Variants in KCNC2 observed in about 807,000 individuals in gnomAD.
The protein encoded by KCNC2 is potassium voltage-gated channel subfamily C member 2.
KCNC2 carries 21 observed loss-of-function variants against 44.5 expected under a neutral mutation model. That is an observed-to-expected ratio of 0.47 (90% CI 0.33 to 0.68). The LOEUF (loss-of-function observed/expected upper bound fraction) is 0.68, where lower values mean the gene tolerates loss of function less well. KCNC2 is among the 30% of genes least tolerant of loss of function. The pLI is 0.01. For synonymous variants in KCNC2, 391 were observed against 339.1 expected (o/e 1.15, Z -1.68); for missense variants, 589 against 826.2 (o/e 0.71, Z 3.52).
Position 75,207,979 on chromosome 12 carries a change from C to A in KCNC2, c.5G>T (p.Gly2Val). The A allele has an allele frequency of 6.2e-7, 1 of 1,612,320 alleles. No individual in the cohort carries two copies. Among genetic ancestry groups the A allele is most frequent in the Non-Finnish European group, 8.5e-7 (1 of 1,179,776 alleles). ...CACCCTCTCGTTGTTCTCGATCTTGCCCATCTCTGTGACTCAGACATGACT... is the reference window on the plus strand; with the variant it reads ...CACCCTCTCGTTGTTCTCGATCTTGACCATCTCTGTGACTCAGACATGACT... M[G>V]KIENNERVIL... The change falls in exon 2 of 5, where the codon GGC becomes GTC. Residue 2 changes from glycine (G) to valine (V), a missense_variant. Coordinates refer to ENST00000549446, the MANE Select transcript of KCNC2 (RefSeq NM_139137.4). This position sits in a 1 kb window ranked among gnomAD's most constrained non-coding sequence, Gnocchi z 4.1.
At chr12:75,078,856 CT>C (rs1426621454) in intron 2 of KCNC2, among the ~76,000 whole-genome samples, 1 of 152,096 alleles carries the variant, frequency 6.6e-6, no homozygotes, top group African/African-American at 2.4e-5. Flanking sequence ...TTAAGATGTT[CT>C]TTGAAGACAT....
chr12:75,084,009 A>T (rs1286447516), intron 2 of KCNC2, among the ~76,000 whole-genome samples: 1 of 151,992 alleles, frequency 6.6e-6, no homozygotes, highest in East Asian at 1.9e-4. Context: ...TGGATACATC[A>T]TCTTAATTAG....
At chr12:75,135,467 TAA>T (rs997887613) in intron 2 of KCNC2, among the ~76,000 whole-genome samples, 2 of 151,982 alleles carry the variant, frequency 1.3e-5, no homozygotes, top group Non-Finnish European at 2.9e-5. Flanking sequence ...AGAGAAAATA[TAA>T]GAGATAGATA....
chr12:75,202,045 T>A (rs533921596), intron 2 of KCNC2, among the ~76,000 whole-genome samples: 1 of 151,916 alleles, frequency 6.6e-6, no homozygotes, highest in African/African-American at 2.4e-5. Context: ...TTGATGGCAA[T>A]GATAAACATT....
In KCNC2 at chr12:75,161,088, G is replaced by A. The variant is rs530891070; in HGVS notation, c.687+46209C>T. ...GTTTAATTAGCCCATATAACTCAAG[G>A]TTGTAGGCACTTTCATAAATTAGGT... On this transcript the variant is annotated intron_variant, in intron 2 of 4. Coordinates refer to ENST00000549446, the MANE Select transcript of KCNC2 (RefSeq NM_139137.4). Among the ~76,000 whole-genome samples the A allele has an allele frequency of 4.6e-5, 7 of 151,668 alleles. No homozygotes were observed. The South Asian group carries it at 1.5e-3, about 31-fold the overall frequency.
intron 2 of KCNC2, among the ~76,000 whole-genome samples, chr12:75,189,609 A>G (rs750340553): frequency 6.6e-6 from 1 of 152,166 alleles, no homozygotes; most frequent in Non-Finnish European, 1.5e-5. Flanking sequence ...GGCATCAGTA[A>G]TTAAACCTGT....
chr12:75,048,003 C>T lies in KCNC2; in HGVS notation c.1780+150G>A. ...GGTTATTATGTATTTTAACAAGTTT[C>T]TAAGGAGAGAAGATGTAATGAAGAG... On this transcript the variant is annotated intron_variant, in intron 4 of 4. Transcript: ENST00000549446. 5 of 660,152 alleles carry T rather than the reference C, an allele frequency of 7.6e-6. No homozygotes were observed. The South Asian group carries it at 9.5e-5, about 13-fold the overall frequency. 40.9% of individuals were successfully genotyped at this position (660,152 alleles called of 1,614,324 possible). A position where few individuals can be genotyped will look rare whatever the true frequency, so the allele number is the denominator to read the frequency against.
In KCNC2 at chr12:75,202,216, C is replaced by A. The variant is rs1344511083; in HGVS notation, c.687+5081G>T. Among the ~76,000 whole-genome samples, 4 of 151,938 alleles carry A rather than the reference C, an allele frequency of 2.6e-5. No individual in the cohort carries two copies. In the East Asian group the frequency reaches 7.7e-4, roughly 29 times the overall value. ...CTTAGCAAAATATTACAGAAGAGAT[C>A]ATACCTAATCTATCCAACTATATTC... is the stretch of plus-strand genomic sequence containing the variant. On this transcript the variant is annotated intron_variant, in intron 2 of 4. Transcript: ENST00000549446.
At chr12:75,165,747 T>C (rs1243727238) in intron 2 of KCNC2, among the ~76,000 whole-genome samples, 1 of 151,454 alleles carries the variant, frequency 6.6e-6, no homozygotes, top group Non-Finnish European at 1.5e-5. Flanking sequence ...TTCTTAACAG[T>C]AAATTGTATA....
chr12:75,052,108 GAAT>G (rs761280408), intron 2 of KCNC2, among the ~76,000 whole-genome samples: 26 of 151,790 alleles, frequency 1.7e-4, no homozygotes, highest in Non-Finnish European at 2.7e-4. Context: ...CACCAACACA[GAAT>G]AATAAAAAAA....
intron 4 of KCNC2, chr12:75,043,864 T>G: frequency 9.1e-7 from 1 of 1,104,968 alleles, no homozygotes; most frequent in Non-Finnish European, 1.3e-6. Context: ...GAAATATAAA[T>G]TAAGTCATAA....
intron 2 of KCNC2, among the ~76,000 whole-genome samples, chr12:75,112,763 G>T (rs1887353405): frequency 6.6e-6 from 1 of 151,920 alleles, no homozygotes; most frequent in Non-Finnish European, 1.5e-5. Flanking sequence ...TGAGCTTAAA[G>T]AAACCAATAA....
At chr12:75,092,379 C>A (rs1343103676) in intron 2 of KCNC2, among the ~76,000 whole-genome samples, 3 of 151,500 alleles carry the variant, frequency 2.0e-5, no homozygotes, top group Non-Finnish European at 4.4e-5. Context: ...ATTTTCTTGA[C>A]AAAGTTTTGA....
At chr12:75,074,569 C>G (rs915530856) in intron 2 of KCNC2, among the ~76,000 whole-genome samples, 2 of 152,142 alleles carry the variant, frequency 1.3e-5, no homozygotes, top group Middle Eastern at 3.2e-3. Flanking sequence ...TAGTCTTGAT[C>G]TGTCACTGAA....
At chr12:75,131,888 C>T (rs576164456) in intron 2 of KCNC2, among the ~76,000 whole-genome samples, 3 of 152,188 alleles carry the variant, frequency 2.0e-5, no homozygotes, top group South Asian at 2.1e-4. Context: ...GAAGGAATAC[C>T]GTTGAGCCAG....
At chr12:75,173,956 A>T (rs573392051) in intron 2 of KCNC2, among the ~76,000 whole-genome samples, 12 of 151,994 alleles carry the variant, frequency 7.9e-5, no homozygotes, top group African/African-American at 2.9e-4. Flanking sequence ...AAATCAGTTT[A>T]AAAAGGTTTT....
At chr12:75,177,420 T>C (rs151236821) in intron 2 of KCNC2, among the ~76,000 whole-genome samples, 332 of 152,130 alleles carry the variant, frequency 2.2e-3, no homozygotes, top group African/African-American at 7.4e-3. Flanking sequence ...TTTGGAATTG[T>C]GTCAGGTAAG....
At chr12:75,110,238 T>C (rs566878378) in intron 2 of KCNC2, among the ~76,000 whole-genome samples, 2 of 152,278 alleles carry the variant, frequency 1.3e-5, no homozygotes, top group African/African-American at 4.8e-5. Flanking sequence ...ATATTTTATA[T>C]GCATCCTGGT....
At chr12:75,106,454 T>C (rs1348359704) in intron 2 of KCNC2, among the ~76,000 whole-genome samples, 2 of 152,188 alleles carry the variant, frequency 1.3e-5, no homozygotes, top group Non-Finnish European at 2.9e-5. Flanking sequence ...CAAGAGGGAA[T>C]GAATAACTGC....
Sources: allele counts gnomAD v4.1 joint callset (sites outside exome capture counted in the v4.1 genomes callset), GRCh38; gene constraint gnomAD v4.1.1; non-coding constraint Gnocchi (gnomAD v3.1); transcripts MANE v1.5; gene names NCBI Gene and HGNC (gene_info 2026-07-23, HGNC 2026-07-21).